Variants in ASCC1 observed in about 807,000 individuals in gnomAD.
The protein encoded by ASCC1 is activating signal cointegrator 1 complex subunit 1.
Under a neutral mutation model 46.6 loss-of-function variants are expected in ASCC1, and 35 were observed. That is an observed-to-expected ratio of 0.75 (90% CI 0.57 to 0.99). The LOEUF (loss-of-function observed/expected upper bound fraction) is 0.99, where lower values mean the gene tolerates loss of function less well. Among genes scored for constraint, ASCC1 ranks in the 50% least tolerant of loss-of-function variants. ASCC1 has a pLI of 0.00. For missense variants in ASCC1, 376 were observed against 428.7 expected (o/e 0.88, Z 1.09); for synonymous variants, 143 against 146.6 (o/e 0.98, Z 0.18).
chr10:72,139,262 C>T (rs1482746641), intron 7 of ASCC1, among the ~76,000 whole-genome samples: 1 of 151,828 alleles, frequency 6.6e-6, no homozygotes, highest in Non-Finnish European at 1.5e-5. Context: ...TACAGATGCC[C>T]GCCACCACGC....
chr10:72,198,356 G>C, intron 4 of ASCC1: 1 of 90,506 alleles, frequency 1.1e-5, no homozygotes, highest in Admixed American at 1.6e-4. Context: ...GGGAGGGGAG[G>C]GGAGGGGAGG....
chr10:72,118,825 T>C (rs1174021987), intron 9 of ASCC1, among the ~76,000 whole-genome samples: 1 of 152,188 alleles, frequency 6.6e-6, no homozygotes, highest in Non-Finnish European at 1.5e-5. Context: ...ATATACTTTC[T>C]AAATGCTAGT....
intron 3 of ASCC1, among the ~76,000 whole-genome samples, chr10:72,208,877 G>A (rs1857617936): frequency 6.6e-6 from 1 of 152,014 alleles, no homozygotes; most frequent in African/African-American, 2.4e-5. Flanking sequence ...ACAGACAGCT[G>A]GTAGATTCAA....
rs548197690 is a variant in ASCC1 at position 72,201,598 on chromosome 10, A to C, written c.310+1829T>G. On this transcript the variant is annotated intron_variant, in intron 4 of 9. Coordinates refer to ENST00000672957, the MANE Select transcript of ASCC1 (RefSeq NM_001198800.3). ...CTACTTGGAAGGCCGAGGGAAAAGTATTGCTTGAGCCCAGGAGTTCAAGGC... is the reference window on the plus strand; with the variant it reads ...CTACTTGGAAGGCCGAGGGAAAAGTCTTGCTTGAGCCCAGGAGTTCAAGGC... 2.0e-5 allele frequency among the ~76,000 whole-genome samples: 3 copies of C among 152,214 alleles called. No homozygotes were observed. The South Asian group carries it at 6.2e-4, about 32-fold the overall frequency.
rs1469158229 is a variant in ASCC1, at chr10:72,196,980, C to A, written c.320G>T (p.Gly107Val). The A allele has an allele frequency of 6.2e-7, 1 of 1,613,422 alleles. No individual in the cohort carries two copies. The highest frequency in any genetic ancestry group is 8.5e-7 in the Non-Finnish European group (1 of 1,179,998). The change falls in exon 5 of 10, where the codon GGC (glycine) becomes GTC (valine). Residue 107 changes from glycine (G) to valine (V), a missense_variant. Physicochemically the swap from Gly to Val is moderately radical, Grantham distance 109. Transcript: ENST00000672957. ...TGAAATTACACCATTTCGATGCTGG[C>A]CAGTGATTACTGTAAACAAAGAAGA... ...PGQDGEIVITGQHRNGVISAR... is the reference protein window; with the variant it reads ...PGQDGEIVITVQHRNGVISAR...
At chr10:72,132,353 G>C (rs1378430843) in intron 8 of ASCC1, among the ~76,000 whole-genome samples, 2 of 152,156 alleles carry the variant, frequency 1.3e-5, no homozygotes, top group Non-Finnish European at 2.9e-5. Flanking sequence ...TTTGGAGATA[G>C]GGACAGGAAG....
At position 72,210,749 on chromosome 10, in the gene ASCC1, G is replaced by A. The variant is rs1301473348; in HGVS notation, c.195C>T (p.Ala65=). 1.2e-6 allele frequency: 2 copies of A among 1,614,004 alleles called. No homozygotes were observed. The highest frequency in any genetic ancestry group is 1.7e-6 in the Non-Finnish European group (2 of 1,179,986). Residue 65 remains alanine, a synonymous_variant, in exon 3 of 10, where the codon GCC becomes GCT. Coordinates refer to ENST00000672957, the MANE Select transcript of ASCC1 (RefSeq NM_001198800.3). ...TPQGFRSTLR[A]PSLLYKHIVG... is the part of the protein sequence containing the mutation. Reference sequence around the variant, plus strand: ...TGACTCACTTATAGAGCAAGCTGGGGGCCCTCAAAGTAGACCGGAATCCTT... The same window carrying A: ...TGACTCACTTATAGAGCAAGCTGGGAGCCCTCAAAGTAGACCGGAATCCTT...
At chr10:72,194,773 G>A (rs1372001094) in intron 5 of ASCC1, among the ~76,000 whole-genome samples, 2 of 151,904 alleles carry the variant, frequency 1.3e-5, no homozygotes, top group Non-Finnish European at 2.9e-5. Context: ...GACAAGTTTC[G>A]CTCTTGTTGC....
intron 5 of ASCC1, among the ~76,000 whole-genome samples, chr10:72,163,417 G>A (rs1226562855): frequency 3.3e-5 from 5 of 152,182 alleles, no homozygotes; most frequent in Admixed American, 3.3e-4. Flanking sequence ...TACACACAGT[G>A]GAATATTATT....
At chr10:72,158,066 A>G (rs1849196951) in intron 6 of ASCC1, among the ~76,000 whole-genome samples, 1 of 152,218 alleles carries the variant, frequency 6.6e-6, no homozygotes, top group Non-Finnish European at 1.5e-5. Flanking sequence ...AAAAAATTAG[A>G]AACAATGAAA....
At chr10:72,197,238 G>A (rs547619514) in intron 4 of ASCC1, among the ~76,000 whole-genome samples, 5 of 152,130 alleles carry the variant, frequency 3.3e-5, no homozygotes, top group South Asian at 2.1e-4. Flanking sequence ...TTGGGAGGCC[G>A]AGACAGGTGG....
intron 4 of ASCC1, among the ~76,000 whole-genome samples, chr10:72,197,267 C>T (rs939465716): frequency 1.3e-5 from 2 of 151,726 alleles, no homozygotes; most frequent in Non-Finnish European, 2.9e-5. Context: ...GTCAGGAGAT[C>T]GAGACCATCC....
At chr10:72,183,517 T>G (rs1852963285) in intron 5 of ASCC1, among the ~76,000 whole-genome samples, 1 of 151,880 alleles carries the variant, frequency 6.6e-6, no homozygotes. Context: ...GGCATGATGG[T>G]ACAGACTTAT....
chr10:72,202,086 T>A (rs1856576654), intron 4 of ASCC1, among the ~76,000 whole-genome samples: 1 of 151,994 alleles, frequency 6.6e-6, no homozygotes, highest in South Asian at 2.1e-4. Context: ...CCTGTCTGGA[T>A]AAAAAATAAA....
chr10:72,201,404 T>C (rs1477894236), intron 4 of ASCC1, among the ~76,000 whole-genome samples: 1 of 152,184 alleles, frequency 6.6e-6, no homozygotes, highest in Non-Finnish European at 1.5e-5. Context: ...TTATGGAAAA[T>C]GGGGCTAGAC....
At chr10:72,168,465 AT>A (rs1210189228) in intron 5 of ASCC1, among the ~76,000 whole-genome samples, 3 of 152,240 alleles carry the variant, frequency 2.0e-5, no homozygotes, top group South Asian at 2.1e-4. Flanking sequence ...ACTTTCATAC[AT>A]TGCTAGCAGA....
At chr10:72,117,021 C>T (rs999973300) in intron 9 of ASCC1, among the ~76,000 whole-genome samples, 3 of 152,164 alleles carry the variant, frequency 2.0e-5, no homozygotes, top group African/African-American at 7.2e-5. Context: ...CAACCTCCAC[C>T]TCCCAGGTTG....
intron 5 of ASCC1, among the ~76,000 whole-genome samples, chr10:72,179,735 C>T (rs1003769111): frequency 2.0e-5 from 3 of 152,172 alleles, no homozygotes; most frequent in African/African-American, 4.8e-5. Flanking sequence ...AGAACACTGT[C>T]TAGCAAAATA....
At chr10:72,118,991 C>G (rs1843847460) in intron 9 of ASCC1, among the ~76,000 whole-genome samples, 1 of 152,152 alleles carries the variant, frequency 6.6e-6, no homozygotes, top group Non-Finnish European at 1.5e-5. Flanking sequence ...TGTCAGAAGA[C>G]TGAGGTCGGG....
Sources: gnomAD v4.1 joint callset for allele counts (sites outside exome capture counted in the v4.1 genomes callset) on GRCh38, gnomAD v4.1.1 for gene constraint, MANE v1.5 for transcripts, NCBI Gene and HGNC (gene_info 2026-07-23, HGNC 2026-07-21) for gene names.